FGD6: variants seen among roughly 807,000 people sequenced by gnomAD.
FGD6 encodes FYVE, RhoGEF and PH domain-containing protein 6.
FGD6 carries 90 observed loss-of-function variants against 149.4 expected under a neutral mutation model. The observed-to-expected ratio is 0.60, with a 90% CI of 0.51 to 0.72. FGD6 has a LOEUF of 0.72. Among genes scored for constraint, FGD6 ranks in the 30% least tolerant of loss-of-function variants. FGD6 has a pLI of 0.00. For synonymous variants in FGD6, 527 were observed against 584.0 expected, an observed-to-expected ratio of 0.90 and a Z score of 1.41; for missense variants, 1,437 against 1,684.8, an observed-to-expected ratio of 0.85 and a Z score of 2.57.
At chr12:95,122,704 C>T (rs888348743) in intron 8 of FGD6, among the ~76,000 whole-genome samples, 3 of 146,450 alleles carry the variant, frequency 2.0e-5, no homozygotes, top group South Asian at 4.4e-4. Context: ...TTCTGCTTCT[C>T]AAATACTCAT....
chr12:95,086,843 C>CAT (rs1877889155), intron 18 of FGD6, among the ~76,000 whole-genome samples: 1 of 121,108 alleles, frequency 8.3e-6, no homozygotes, highest in Non-Finnish European at 1.7e-5. Flanking sequence ...ACCACACCGG[C>CAT]CTTTTTTTTT....
intron 14 of FGD6, chr12:95,100,736 A>G (rs1043471593): frequency 5.8e-6 from 3 of 516,578 alleles, no homozygotes; most frequent in East Asian, 1.0e-4. Flanking sequence ...GCTGAGGACC[A>G]TCTTGCCTGG....
intron 2 of FGD6, among the ~76,000 whole-genome samples, chr12:95,186,621 T>C (rs1385522204): frequency 1.3e-5 from 2 of 152,180 alleles, no homozygotes; most frequent in Admixed American, 6.5e-5. Flanking sequence ...TTTGTTTCTG[T>C]ACTATCTGTC....
chr12:95,113,688 A>G lies in FGD6; in HGVS notation c.3096T>C (p.Asn1032=). The G allele has an allele frequency of 3.1e-6, 5 of 1,592,556 alleles. No individual in the cohort carries two copies. Among genetic ancestry groups the G allele is most frequent in the Non-Finnish European group, 4.3e-6 (5 of 1,170,566 alleles). The change falls in exon 9 of 21, where the codon AAT becomes AAC. Residue 1032 remains asparagine, a synonymous_variant. Coordinates refer to ENST00000343958, the MANE Select transcript of FGD6 (RefSeq NM_018351.4). The stretch of plus-strand genomic sequence containing the variant: ...TGTAATCTCCAGCATCTTCTATGAG[A>G]TTCTTCAAATAATCTAGAAAAGAAG... ...YRLLLTDYLK[N]LIEDAGDYRD...
At chr12:95,207,295 G>A (rs1204476811) in intron 2 of FGD6, among the ~76,000 whole-genome samples, 2 of 152,058 alleles carry the variant, frequency 1.3e-5, no homozygotes, top group Admixed American at 6.6e-5. Flanking sequence ...GTTTCCTGAG[G>A]CCTCCCCAGC....
In FGD6 at chr12:95,079,538, C is replaced by T. The variant is rs1877603415; in HGVS notation, c.*1982G>A. ...TCTTGCTAAATGCCAGACGCAGAAA[C>T]AGTTTATAAGGTACAACTTTAGCCT... On this transcript the variant is annotated 3_prime_UTR_variant, in exon 21 of 21. Transcript: ENST00000343958. The T allele has an allele frequency of 6.6e-6, 1 of 152,184 alleles. No homozygotes were observed. The highest frequency in any genetic ancestry group is 6.5e-5 in the Admixed American group (1 of 15,276). The allele number at this position is 152,184 out of a possible 1,614,324, so 9.4% of individuals were successfully genotyped here.
At chr12:95,164,586 G>A (rs1365918924) in intron 3 of FGD6, among the ~76,000 whole-genome samples, 2 of 151,950 alleles carry the variant, frequency 1.3e-5, no homozygotes, top group Non-Finnish European at 2.9e-5. Context: ...ACACACTGCT[G>A]TGCCTAGCTA....
chr12:95,091,665 G>A, intron 17 of FGD6, 42 bp downstream of exon 17: 1 of 1,437,958 alleles, frequency 7.0e-7, no homozygotes, highest in Non-Finnish European at 9.7e-7. Flanking sequence ...AAGCATCTGG[G>A]GAATAAAGGA....
At chr12:95,150,105 G>A (rs1035198868) in intron 5 of FGD6, among the ~76,000 whole-genome samples, 14 of 148,736 alleles carry the variant, frequency 9.4e-5, no homozygotes, top group African/African-American at 1.2e-4. Flanking sequence ...TCGACTCACC[G>A]CAACCTCTGC....
chr12:95,165,722 C>G (rs1880790261), intron 3 of FGD6, among the ~76,000 whole-genome samples: 1 of 151,862 alleles, frequency 6.6e-6, no homozygotes, highest in African/African-American at 2.4e-5. Flanking sequence ...ACTGCAACCT[C>G]CATTTCCTAG....
At chr12:95,194,204 C>A (rs1209025480) in intron 2 of FGD6, among the ~76,000 whole-genome samples, 1 of 151,488 alleles carries the variant, frequency 6.6e-6, no homozygotes, top group African/African-American at 2.4e-5. Flanking sequence ...GGGTTATAGG[C>A]ATGAGCCACT....
intron 2 of FGD6, among the ~76,000 whole-genome samples, chr12:95,185,248 C>A (rs570412363): frequency 1.3e-5 from 2 of 152,252 alleles, no homozygotes; most frequent in Admixed American, 1.3e-4. Flanking sequence ...TTATTTTTAG[C>A]TTCTTTGATT....
At chr12:95,094,839 G>A (rs1878186533) in intron 14 of FGD6, 145 bp from the exon 15 acceptor site, 16 of 626,862 alleles carry the variant, frequency 2.6e-5, no homozygotes, top group South Asian at 2.1e-4. Flanking sequence ...GTTGAGGCAG[G>A]TTTAGTGAAC....
chr12:95,102,080 G>A (rs1878459093), intron 14 of FGD6, among the ~76,000 whole-genome samples: 1 of 127,132 alleles, frequency 7.9e-6, no homozygotes, highest in Non-Finnish European at 1.7e-5. Flanking sequence ...CTGAGTGGGG[G>A]TGGATCACCT....
chr12:95,164,497 C>G (rs2136279387), intron 3 of FGD6, among the ~76,000 whole-genome samples: 1 of 152,014 alleles, frequency 6.6e-6, no homozygotes, highest in East Asian at 1.9e-4. Flanking sequence ...TGGCGGGAAT[C>G]TCAGCTCACT....
At chr12:95,124,712 G>A (rs1461788880) in intron 8 of FGD6, among the ~76,000 whole-genome samples, 3 of 152,126 alleles carry the variant, frequency 2.0e-5, no homozygotes, top group Admixed American at 1.3e-4. Context: ...GCAAAAAGAG[G>A]CACACAAACA....
intron 3 of FGD6, among the ~76,000 whole-genome samples, chr12:95,156,571 C>T (rs1880478305): frequency 6.6e-6 from 1 of 152,166 alleles, no homozygotes; most frequent in Non-Finnish European, 1.5e-5. Flanking sequence ...TCGCCCCGTC[C>T]TGTGGTCCTG....
intron 2 of FGD6, among the ~76,000 whole-genome samples, chr12:95,177,908 A>AATTT (rs71078616): frequency 0.12 from 17,532 of 142,226 alleles, 1,221 homozygotes; most frequent in Middle Eastern, 0.22. Flanking sequence ...TTTAAACAAC[A>AATTT]ATTTATTTAT....
At chr12:95,201,495 C>CA (rs2056662189) in intron 2 of FGD6, among the ~76,000 whole-genome samples, 1 of 152,178 alleles carries the variant, frequency 6.6e-6, no homozygotes, top group Non-Finnish European at 1.5e-5. Context: ...AACCCCCACT[C>CA]AGTTATGACT....
Sources: allele counts gnomAD v4.1 joint callset (sites outside exome capture counted in the v4.1 genomes callset), GRCh38; gene constraint gnomAD v4.1.1; transcripts MANE v1.5; gene names NCBI Gene and HGNC (gene_info 2026-07-23, HGNC 2026-07-21).